Variants in ASIC2 observed in about 807,000 individuals in gnomAD.
ASIC2 encodes acid sensing ion channel subunit 2, also known as acid-sensing ion channel 2.
ASIC2 carries 25 observed loss-of-function variants against 57.3 expected under a neutral mutation model. The observed-to-expected ratio is 0.44, with a 90% CI of 0.32 to 0.61. The LOEUF (loss-of-function observed/expected upper bound fraction) is 0.61, where lower values mean the gene tolerates loss of function less well. Among genes scored for constraint, ASIC2 ranks in the 20% least tolerant of loss-of-function variants. The pLI is 0.06. For missense variants in ASIC2, 641 were observed against 738.1 expected, an observed-to-expected ratio of 0.87 and a Z score of 1.52; for synonymous variants, 319 against 307.5, an observed-to-expected ratio of 1.04 and a Z score of -0.39.
intron 1 of ASIC2, among the ~76,000 whole-genome samples, chr17:33,183,330 A>C (rs1325338981): frequency 6.6e-6 from 1 of 152,270 alleles, no homozygotes; most frequent in Non-Finnish European, 1.5e-5. Flanking sequence ...CTAAGATATA[A>C]AAGAGTGCAA....
intron 1 of ASIC2, among the ~76,000 whole-genome samples, chr17:33,263,602 T>A (rs1308397653): frequency 1.4e-5 from 2 of 146,858 alleles, no homozygotes; most frequent in Non-Finnish European, 3.0e-5. Context: ...CCATGAAGAC[T>A]GCTGTGCTTG....
intron 1 of ASIC2, among the ~76,000 whole-genome samples, chr17:33,386,853 T>C (rs933461026): frequency 6.6e-6 from 1 of 152,178 alleles, no homozygotes; most frequent in African/African-American, 2.4e-5. Flanking sequence ...GTTGCTTCCC[T>C]CAGAACCTTG....
intron 1 of ASIC2, among the ~76,000 whole-genome samples, chr17:33,635,477 A>G (rs1218763744): frequency 1.3e-5 from 2 of 152,206 alleles, no homozygotes; most frequent in Non-Finnish European, 2.9e-5. Context: ...TAGAACTACT[A>G]CCTGCATTAG....
chr17:33,884,042 A>G (rs1032540336), intron 1 of ASIC2, among the ~76,000 whole-genome samples: 9 of 152,188 alleles, frequency 5.9e-5, no homozygotes, highest in African/African-American at 2.2e-4. Flanking sequence ...CTCAGGCACC[A>G]TGGTGGATAT....
At chr17:33,246,732 C>G (rs1478758902) in intron 1 of ASIC2, among the ~76,000 whole-genome samples, 5 of 152,202 alleles carry the variant, frequency 3.3e-5, no homozygotes, top group Admixed American at 3.3e-4. Flanking sequence ...CATACGTTAT[C>G]CCATTTGATT....
rs573671479 is a variant in ASIC2 at position 33,336,599 on chromosome 17, G to T, written c.556-224532C>A. On this transcript the variant is annotated intron_variant, in intron 1 of 9. Coordinates refer to the ASIC2 transcript ENST00000359872. ...TCCTCACGACAGCTGTGTGGGGAGG[G>T]TATCGTTTAGTCCCATTCCACAGGT... Among the ~76,000 whole-genome samples, 6 of 152,268 alleles carry T rather than the reference G, an allele frequency of 3.9e-5. No individual in the cohort carries two copies. In the East Asian group the frequency reaches 1.2e-3, roughly 29 times the overall value.
intron 1 of ASIC2, among the ~76,000 whole-genome samples, chr17:33,273,379 A>C (rs930229519): frequency 3.9e-5 from 6 of 152,210 alleles, no homozygotes; most frequent in African/African-American, 1.4e-4. Context: ...CAAGATAGTA[A>C]GCAATCCCCT....
intron 1 of ASIC2, among the ~76,000 whole-genome samples, chr17:34,105,320 A>G (rs578196307): frequency 1.3e-5 from 2 of 152,002 alleles, no homozygotes; most frequent in African/African-American, 4.8e-5. Flanking sequence ...ATGTTATTAT[A>G]CTATAGATAA....
chr17:34,137,930 A>C (rs550576891), intron 1 of ASIC2, among the ~76,000 whole-genome samples: 1 of 152,240 alleles, frequency 6.6e-6, no homozygotes, highest in South Asian at 2.1e-4. Flanking sequence ...GCTTGGGGTT[A>C]AGATTTTAAA....
At chr17:33,918,538 A>G (rs1044395722) in intron 1 of ASIC2, among the ~76,000 whole-genome samples, 2 of 152,198 alleles carry the variant, frequency 1.3e-5, no homozygotes, top group African/African-American at 4.8e-5. Flanking sequence ...TTTTAAACAC[A>G]TTCTTCAGGT....
intron 1 of ASIC2, among the ~76,000 whole-genome samples, chr17:33,815,179 C>T (rs1912539786): frequency 6.6e-6 from 1 of 152,154 alleles, no homozygotes; most frequent in Non-Finnish European, 1.5e-5. Context: ...TTAAATTTCT[C>T]AGTTTCCCAT....
At chr17:33,113,235 C>A (rs1014213773) in intron 1 of ASIC2, among the ~76,000 whole-genome samples, 1 of 152,176 alleles carries the variant, frequency 6.6e-6, no homozygotes, top group Non-Finnish European at 1.5e-5. Flanking sequence ...AACCTCGCAG[C>A]CTCAATGTCT....
At chr17:33,867,600 C>T (rs1914275807) in intron 1 of ASIC2, among the ~76,000 whole-genome samples, 1 of 152,126 alleles carries the variant, frequency 6.6e-6, no homozygotes, top group African/African-American at 2.4e-5. Context: ...CAGATGCAGG[C>T]AAGGGGACAC....
At chr17:33,788,364 A>C (rs1343985611) in intron 1 of ASIC2, among the ~76,000 whole-genome samples, 5 of 152,220 alleles carry the variant, frequency 3.3e-5, no homozygotes, top group Non-Finnish European at 5.9e-5. Context: ...ATACCATCTC[A>C]TGCCGACAGA....
chr17:34,059,324 T>C (rs1422146860), intron 1 of ASIC2, among the ~76,000 whole-genome samples: 1 of 151,854 alleles, frequency 6.6e-6, no homozygotes, highest in African/African-American at 2.4e-5. Flanking sequence ...AATACAGGGG[T>C]AGAGGAAGCA....
Position 33,049,507 on chromosome 17 carries a change from A to G in ASIC2, c.988-21115T>C, listed in dbSNP as rs138791473. Among the ~76,000 whole-genome samples, 299 of 152,308 alleles carry G rather than the reference A, an allele frequency of 2.0e-3. 1 individual carries two copies. Among genetic ancestry groups the G allele is most frequent in the Middle Eastern group, 6.8e-3 (2 of 294 alleles). ...TAGTGTTTTTCTTTCCTACTGTCAC[A>G]TGAAATAATATTGACCCTTACAGTT... On this transcript the variant is annotated intron_variant, in intron 3 of 9. Coordinates refer to ENST00000225823, the MANE Select transcript of ASIC2 (RefSeq NM_183377.2).
In ASIC2 at chr17:33,767,834, T is replaced by C. The variant is rs115888561; in HGVS notation, c.555+388144A>G. On this transcript the variant is annotated intron_variant, in intron 1 of 9. Coordinates refer to the ASIC2 transcript ENST00000359872. ...TGTTAGTTAAGGTTGTAAACTTTGC[T>C]ATAGGAGGTGAATTTTACCCACCAA... Among the ~76,000 whole-genome samples the C allele has an allele frequency of 9.3e-3, 1,413 of 152,326 alleles. 20 individuals carry two copies. Among genetic ancestry groups the C allele is most frequent in the African/African-American group, 0.032 (1,347 of 41,572 alleles).
rs182742203 is a variant in ASIC2, at chr17:33,799,139, A to T, written c.555+356839T>A. On this transcript the variant is annotated intron_variant, in intron 1 of 9. Transcript: ENST00000359872. Reference sequence around the variant, plus strand: ...TCTGCTCTTTCTTCTTTGTAAGTGGACTTGTTACCTTTACGCCTAGGGCTA... The same window carrying T: ...TCTGCTCTTTCTTCTTTGTAAGTGGTCTTGTTACCTTTACGCCTAGGGCTA... Among the ~76,000 whole-genome samples, 11 of 152,222 alleles carry T rather than the reference A, an allele frequency of 7.2e-5. No individual in the cohort carries two copies. The East Asian group carries it at 1.9e-3, about 27-fold the overall frequency.
intron 1 of ASIC2, among the ~76,000 whole-genome samples, chr17:34,016,469 A>G (rs1906985097): frequency 6.6e-6 from 1 of 151,710 alleles, no homozygotes; most frequent in Non-Finnish European, 1.5e-5. Flanking sequence ...ACTGCCCATC[A>G]TGAATCCATC....
Sources: allele counts gnomAD v4.1 joint callset (sites outside exome capture counted in the v4.1 genomes callset), GRCh38; gene constraint gnomAD v4.1.1; transcripts MANE v1.5; gene names NCBI Gene and HGNC (gene_info 2026-07-23, HGNC 2026-07-21).